The following ADAMTSL3 variants were observed in gnomAD, a reference collection of about 807,000 sequenced individuals.
ADAMTSL3 encodes ADAMTS like 3, also known as ADAMTS-like protein 3.
A neutral mutation model predicts 201.7 loss-of-function variants in ADAMTSL3; 128 were observed. That is an observed-to-expected ratio of 0.63 (90% confidence interval 0.55 to 0.73). The LOEUF (loss-of-function observed/expected upper bound fraction) is 0.73, where lower values mean the gene tolerates loss of function less well. Ranked by LOEUF, ADAMTSL3 falls within the 30% of genes least tolerant of loss-of-function variation. The pLI is 0.00. For synonymous variants in ADAMTSL3, 738 were observed against 748.4 expected (o/e 0.99, Z 0.23); for missense variants, 1,990 against 2,119.6 (o/e 0.94, Z 1.20).
chr15:83,786,503 G>A (rs1014263331), intron 4 of ADAMTSL3, among the ~76,000 whole-genome samples: 1 of 151,942 alleles, frequency 6.6e-6, no homozygotes, highest in Non-Finnish European at 1.5e-5. Context: ...ATAAATGGTT[G>A]TTGACTGTAA....
intron 3 of ADAMTSL3, among the ~76,000 whole-genome samples, chr15:83,755,906 G>A (rs1439661523): frequency 9.2e-5 from 14 of 152,070 alleles, no homozygotes; most frequent in East Asian, 3.9e-4. Context: ...GACTACAGGC[G>A]CCTGCCACCA....
chr15:83,655,776 G>T lies in ADAMTSL3; in HGVS notation c.15G>T (p.Thr5=), dbSNP rs772069864. 39 of 1,614,010 alleles carry T rather than the reference G, an allele frequency of 2.4e-5. No homozygotes were observed. Among genetic ancestry groups the T allele is most frequent in the Non-Finnish European group, 3.3e-5 (39 of 1,180,018 alleles). ...GACTAGACCCCATGGCTTCCTGGAC[G>T]AGCCCCTGGTGGGTGCTGATAGGGA... MASW[T]SPWWVLIGMV... The change falls in exon 2 of 30, where the codon ACG becomes ACT. Residue 5 remains threonine, a synonymous_variant. Transcript: ENST00000286744.
chr15:83,753,084 G>T (rs141842453), intron 3 of ADAMTSL3, among the ~76,000 whole-genome samples: 2 of 152,172 alleles, frequency 1.3e-5, no homozygotes, highest in Non-Finnish European at 2.9e-5. Context: ...CTTGGTGAAT[G>T]CTGTTGAGTC....
intron 3 of ADAMTSL3, among the ~76,000 whole-genome samples, chr15:83,751,076 C>A (rs1407378286): frequency 6.6e-6 from 1 of 152,100 alleles, no homozygotes; most frequent in Non-Finnish European, 1.5e-5. Flanking sequence ...TTTTATGGAG[C>A]TTGTAGTCTA....
chr15:83,676,859 C>T (rs1459139610), intron 2 of ADAMTSL3, among the ~76,000 whole-genome samples: 1 of 152,186 alleles, frequency 6.6e-6, no homozygotes, highest in Non-Finnish European at 1.5e-5. Context: ...ATCTATGAAC[C>T]AGAGAGTAGG....
At position 83,761,946 on chromosome 15, in the gene ADAMTSL3, G is replaced by C. The variant is rs1291445754; in HGVS notation, c.190-11577G>C. Among the ~76,000 whole-genome samples, 3 of 152,148 alleles carry C rather than the reference G, an allele frequency of 2.0e-5. No homozygotes were observed. The East Asian group carries it at 5.8e-4, about 29-fold the overall frequency. ...ATATTGTCAGGCATGATATTGGTTTGTATGGGGATTGTCACTGGAGATGTG... is the reference window on the plus strand; with the variant it reads ...ATATTGTCAGGCATGATATTGGTTTCTATGGGGATTGTCACTGGAGATGTG... On this transcript the variant is annotated intron_variant, in intron 3 of 29. Transcript: ENST00000286744.
intron 27 of ADAMTSL3, among the ~76,000 whole-genome samples, chr15:84,030,775 C>G (rs1006186515): frequency 1.4e-4 from 22 of 152,160 alleles, no homozygotes; most frequent in African/African-American, 5.1e-4. Flanking sequence ...CAAATCTCAT[C>G]TTGAATTTTA....
intron 3 of ADAMTSL3, among the ~76,000 whole-genome samples, chr15:83,745,026 C>T (rs1393820308): frequency 6.6e-6 from 1 of 152,200 alleles, no homozygotes; most frequent in Non-Finnish European, 1.5e-5. Context: ...CAAAACCACC[C>T]ATGGCCTGCC....
At position 83,819,907 on chromosome 15, in the gene ADAMTSL3, T is replaced by TA; in HGVS notation, c.461dup (p.Tyr154Ter). 6.2e-7 allele frequency: 1 copy of TA among 1,614,150 alleles called. No homozygotes were observed. Among genetic ancestry groups the TA allele is most frequent in the Non-Finnish European group, 8.5e-7 (1 of 1,180,012 alleles). ...GCATTACTATGAATGGCTTCCACGA[T>TA]ATAATGATCCTGCTGCCCCGTGTGC... ...QGHYYEWLPR[Y>*]NDPAAPCALK... The change falls in exon 6 of 30, where the codon TAT becomes TAAT. Residue 154 changes from tyrosine to a stop codon, truncating the protein, a stop_gained and frameshift_variant. Transcript: ENST00000286744. LOFTEE classifies it high-confidence loss of function.
At chr15:83,700,792 G>C (rs555371201) in intron 2 of ADAMTSL3, among the ~76,000 whole-genome samples, 2 of 152,200 alleles carry the variant, frequency 1.3e-5, no homozygotes, top group East Asian at 3.9e-4. Flanking sequence ...AAAATAAAGT[G>C]ATGATTGAAG....
chr15:83,655,634 C>T (rs2061070771), intron 1 of ADAMTSL3, 95 bp from the exon 2 acceptor site: 1 of 861,348 alleles, frequency 1.2e-6, no homozygotes, highest in Non-Finnish European at 1.8e-6. Context: ...AGTATATGGG[C>T]TTCAGGGTCC....
chr15:83,886,189 G>T (rs537981459), intron 10 of ADAMTSL3, among the ~76,000 whole-genome samples: 1 of 152,328 alleles, frequency 6.6e-6, no homozygotes, highest in African/African-American at 2.4e-5. Context: ...GAGGCAACTA[G>T]AGCTACTGTC....
At chr15:83,983,914 C>T (rs941160392) in intron 21 of ADAMTSL3, among the ~76,000 whole-genome samples, 1 of 152,098 alleles carries the variant, frequency 6.6e-6, no homozygotes, top group Non-Finnish European at 1.5e-5. Context: ...CACACAAATA[C>T]GTAGCCTTGT....
intron 10 of ADAMTSL3, among the ~76,000 whole-genome samples, chr15:83,887,247 A>T (rs1031981094): frequency 6.6e-6 from 1 of 152,070 alleles, no homozygotes. Context: ...TGCCATCACT[A>T]TTTTTGCCAT....
At chr15:83,786,150 T>A (rs1171190691) in intron 4 of ADAMTSL3, among the ~76,000 whole-genome samples, 2 of 152,180 alleles carry the variant, frequency 1.3e-5, no homozygotes, top group Admixed American at 1.3e-4. Flanking sequence ...CTAATTTTTG[T>A]GTTTTTAGCA....
intron 2 of ADAMTSL3, among the ~76,000 whole-genome samples, chr15:83,679,133 A>G (rs1460155150): frequency 1.3e-5 from 2 of 151,892 alleles, no homozygotes; most frequent in Non-Finnish European, 2.9e-5. Flanking sequence ...GAGGTTTTAA[A>G]AATTTTTTAA....
intron 17 of ADAMTSL3, among the ~76,000 whole-genome samples, chr15:83,927,974 T>G (rs2066281155): frequency 2.4e-5 from 2 of 84,612 alleles, no homozygotes; most frequent in East Asian, 9.7e-4. Context: ...GCTGTGTGAT[T>G]TTTTTTTTTT....
intron 4 of ADAMTSL3, 63 bp downstream of exon 4, chr15:83,773,713 A>T: frequency 6.5e-7 from 1 of 1,545,096 alleles, no homozygotes; most frequent in Non-Finnish European, 8.7e-7. Flanking sequence ...ATGGGTGGAG[A>T]GGAGAGATAA....
At chr15:83,921,565 C>T (rs2066143372) in intron 16 of ADAMTSL3, among the ~76,000 whole-genome samples, 2 of 152,162 alleles carry the variant, frequency 1.3e-5, no homozygotes, top group South Asian at 4.1e-4. Context: ...CTGTTGTTTG[C>T]AAATGGCAGA....
Sources: allele counts gnomAD v4.1 joint callset (sites outside exome capture counted in the v4.1 genomes callset), GRCh38; gene constraint gnomAD v4.1.1; transcripts MANE v1.5; gene names NCBI Gene and HGNC (gene_info 2026-07-23, HGNC 2026-07-21).